ERC2: variants seen among roughly 807,000 people sequenced by gnomAD.
ERC2 encodes ERC protein 2.
In ERC2, 42 loss-of-function variants were observed where a neutral mutation model predicts 114.8. That is an observed-to-expected ratio of 0.37 (90% confidence interval 0.29 to 0.47). The LOEUF (loss-of-function observed/expected upper bound fraction) is 0.47, where lower values mean the gene tolerates loss of function less well. ERC2 is among the 20% of genes least tolerant of loss of function. ERC2 has a pLI of 0.99. For synonymous variants in ERC2, 454 were observed against 425.5 expected (o/e 1.07, Z -0.82); for missense variants, 939 against 1,150.7 (o/e 0.82, Z 2.66).
At chr3:56,035,557 G>T (rs183555815) in intron 7 of ERC2, among the ~76,000 whole-genome samples, 47 of 152,302 alleles carry the variant, frequency 3.1e-4, no homozygotes, top group African/African-American at 1.1e-3. Context: ...AGTCATGAAG[G>T]TTCTGCCCTT....
intron 17 of ERC2, among the ~76,000 whole-genome samples, chr3:55,645,473 CA>C (rs1271506551): frequency 3.9e-5 from 6 of 152,320 alleles, no homozygotes; most frequent in African/African-American, 1.4e-4. Context: ...TAATTGATAA[CA>C]AGTTATCTTC....
chr3:55,614,690 A>G (rs2059053769), intron 17 of ERC2, among the ~76,000 whole-genome samples: 1 of 152,244 alleles, frequency 6.6e-6, no homozygotes, highest in Admixed American at 6.5e-5. Context: ...TCTGAGTTTT[A>G]TAGATGGCCT....
intron 2 of ERC2, among the ~76,000 whole-genome samples, chr3:56,341,584 G>A (rs2058090680): frequency 6.7e-6 from 1 of 149,310 alleles, no homozygotes; most frequent in Admixed American, 6.6e-5. Flanking sequence ...CAATCTTTTA[G>A]GGGCAAAAAA....
intron 14 of ERC2, among the ~76,000 whole-genome samples, chr3:55,760,957 G>A (rs541746037): frequency 6.6e-6 from 1 of 152,308 alleles, no homozygotes; most frequent in East Asian, 1.9e-4. Flanking sequence ...CCTCTGAAAA[G>A]AGTAGGTGGG....
chr3:55,889,928 C>A (rs2149322365), intron 13 of ERC2, among the ~76,000 whole-genome samples: 1 of 152,248 alleles, frequency 6.6e-6, no homozygotes, highest in African/African-American at 2.4e-5. Flanking sequence ...AAATTATATG[C>A]TTTTAAGATT....
chr3:56,430,199 T>A (rs1166494606), intron 2 of ERC2, among the ~76,000 whole-genome samples: 2 of 152,220 alleles, frequency 1.3e-5, no homozygotes, highest in African/African-American at 4.8e-5. Context: ...CCTTGATAGA[T>A]GCAATCTCTG....
At chr3:55,558,057 G>A (rs1348225029) in intron 17 of ERC2, among the ~76,000 whole-genome samples, 1 of 152,224 alleles carries the variant, frequency 6.6e-6, no homozygotes, top group African/African-American at 2.4e-5. Flanking sequence ...GGAGAGGCTT[G>A]ATAATGGCAA....
chr3:55,644,573 C>CA (rs2060314462), intron 17 of ERC2, among the ~76,000 whole-genome samples: 1 of 151,638 alleles, frequency 6.6e-6, no homozygotes, highest in African/African-American at 2.4e-5. Flanking sequence ...CTGTCAGGGA[C>CA]AAAAAAGGCT....
chr3:56,200,453 C>A (rs1319975383), intron 3 of ERC2, among the ~76,000 whole-genome samples: 2 of 152,184 alleles, frequency 1.3e-5, no homozygotes, highest in Non-Finnish European at 2.9e-5. Context: ...CCAGGGCCAC[C>A]CTCACCCAAC....
intron 2 of ERC2, among the ~76,000 whole-genome samples, chr3:56,329,605 C>G (rs2057514609): frequency 6.6e-6 from 1 of 152,178 alleles, no homozygotes; most frequent in African/African-American, 2.4e-5. Flanking sequence ...GCTTTCCTGT[C>G]TCTCCTAAAA....
intron 17 of ERC2, among the ~76,000 whole-genome samples, chr3:55,571,730 C>T (rs535060654): frequency 6.6e-6 from 1 of 152,292 alleles, no homozygotes; most frequent in East Asian, 1.9e-4. Flanking sequence ...GTGCCTTCCC[C>T]TCTTGGAATT....
intron 13 of ERC2, among the ~76,000 whole-genome samples, chr3:55,916,024 C>T (rs935759962): frequency 6.6e-6 from 1 of 152,158 alleles, no homozygotes; most frequent in African/African-American, 2.4e-5. Flanking sequence ...CCAACTCACA[C>T]ACAGAGCTGC....
chr3:56,235,791 T>G (rs2050903734), intron 3 of ERC2, among the ~76,000 whole-genome samples: 6 of 152,212 alleles, frequency 3.9e-5, no homozygotes, highest in Admixed American at 2.6e-4. Context: ...AGCCACATTT[T>G]AAGTACTAAT....
intron 2 of ERC2, among the ~76,000 whole-genome samples, chr3:56,411,928 G>A (rs2060956358): frequency 6.6e-6 from 1 of 152,182 alleles, no homozygotes; most frequent in Admixed American, 6.5e-5. Flanking sequence ...GGTGAGTGTG[G>A]TTGATTGAAT....
At chr3:56,050,328 C>T (rs1006200839) in intron 7 of ERC2, among the ~76,000 whole-genome samples, 15 of 152,278 alleles carry the variant, frequency 9.9e-5, no homozygotes, top group African/African-American at 3.4e-4. Context: ...ACAACTGTCT[C>T]AGTCTGGGAC....
chr3:55,882,680 G>A (rs914783075), intron 14 of ERC2, among the ~76,000 whole-genome samples: 1 of 152,226 alleles, frequency 6.6e-6, no homozygotes, highest in Non-Finnish European at 1.5e-5. Flanking sequence ...ACAGGAGGAT[G>A]TGCGTGGGTT....
chr3:56,394,122 C>T (rs983593241), intron 2 of ERC2, among the ~76,000 whole-genome samples: 13 of 152,148 alleles, frequency 8.5e-5, no homozygotes, highest in African/African-American at 2.9e-4. Flanking sequence ...CCAACATGCC[C>T]ATGGCAAGGT....
intron 6 of ERC2, among the ~76,000 whole-genome samples, chr3:56,086,427 C>G (rs1176423240): frequency 1.3e-5 from 2 of 151,466 alleles, no homozygotes; most frequent in Admixed American, 6.6e-5. Context: ...GAATTTGGGT[C>G]GTGCCTTTCA....
chr3:55,992,034 A>G (rs759464893), intron 11 of ERC2, 23 bp downstream of exon 11: 2 of 1,607,138 alleles, frequency 1.2e-6, no homozygotes, highest in Admixed American at 1.7e-5. Context: ...ACTGCCAACA[A>G]TTTATATAAC....
Sources: allele counts gnomAD v4.1 joint callset (sites outside exome capture counted in the v4.1 genomes callset), GRCh38; gene constraint gnomAD v4.1.1; transcripts MANE v1.5; gene names NCBI Gene and HGNC (gene_info 2026-07-23, HGNC 2026-07-21).